Variants in MARCHF1 observed in about 807,000 individuals in gnomAD.
MARCHF1 encodes the protein membrane associated ring-CH-type finger 1.
A neutral mutation model predicts 54.2 loss-of-function variants in MARCHF1; 40 were observed. The observed-to-expected ratio is 0.74, with a 90% CI of 0.57 to 0.96. MARCHF1 has a LOEUF of 0.96. MARCHF1 is among the 40% of genes least tolerant of loss of function. The pLI is 0.00. For missense variants in MARCHF1, 586 were observed against 656.5 expected (o/e 0.89, Z 1.17); for synonymous variants, 236 against 236.3 (o/e 1.00, Z 0.01).
chr4:164,199,632 TCACACACA>T (rs376565727), intron 1 of MARCHF1, among the ~76,000 whole-genome samples: 284 of 114,752 alleles, frequency 2.5e-3, no homozygotes, highest in African/African-American at 4.7e-3. Context: ...CAGGACTCTG[TCACACACA>T]CACACACACA....
chr4:164,197,770 C>T (rs1419303593), intron 1 of MARCHF1: 1 of 1,608,494 alleles, frequency 6.2e-7, no homozygotes, highest in Admixed American at 1.7e-5. Flanking sequence ...CAATAAACCT[C>T]GAACCCACGG....
At chr4:163,630,708 G>A (rs571467405) in intron 5 of MARCHF1, among the ~76,000 whole-genome samples, 1 of 152,222 alleles carries the variant, frequency 6.6e-6, no homozygotes, top group East Asian at 1.9e-4. Context: ...TATGTTCAAG[G>A]TGAGATATTA....
At chr4:164,025,832 T>C (rs1436887779) in intron 2 of MARCHF1, among the ~76,000 whole-genome samples, 5 of 151,810 alleles carry the variant, frequency 3.3e-5, no homozygotes, top group African/African-American at 1.2e-4. Flanking sequence ...GACTACTAGC[T>C]AGATTAACAA....
intron 1 of MARCHF1, among the ~76,000 whole-genome samples, chr4:164,291,760 G>T (rs1220082818): frequency 6.6e-6 from 1 of 151,958 alleles, no homozygotes; most frequent in Non-Finnish European, 1.5e-5. Flanking sequence ...ATATAGAAAA[G>T]GTATAGTAAA....
chr4:164,107,726 C>G (rs1414625572), intron 2 of MARCHF1, among the ~76,000 whole-genome samples: 3 of 151,852 alleles, frequency 2.0e-5, no homozygotes, highest in Non-Finnish European at 4.4e-5. Flanking sequence ...CTTAAAAATT[C>G]ACTTTTAGAT....
At chr4:164,069,697 G>T (rs1189407734) in intron 2 of MARCHF1, among the ~76,000 whole-genome samples, 1 of 152,112 alleles carries the variant, frequency 6.6e-6, no homozygotes, top group Admixed American at 6.5e-5. Flanking sequence ...CACCGCGAGG[G>T]TCCATGGCTT....
intron 1 of MARCHF1, among the ~76,000 whole-genome samples, chr4:164,336,480 A>T (rs998674978): frequency 2.0e-5 from 3 of 152,210 alleles, no homozygotes; most frequent in Admixed American, 2.0e-4. Context: ...TTTATAATAC[A>T]TTGCAAAAGT....
At chr4:163,756,183 T>G (rs1023586601) in intron 4 of MARCHF1, among the ~76,000 whole-genome samples, 2 of 152,182 alleles carry the variant, frequency 1.3e-5, no homozygotes, top group Non-Finnish European at 2.9e-5. Flanking sequence ...ACGTACAAGG[T>G]TGAACATTGA....
chr4:164,049,816 T>C (rs980612994), intron 2 of MARCHF1, among the ~76,000 whole-genome samples: 1 of 152,218 alleles, frequency 6.6e-6, no homozygotes, highest in Non-Finnish European at 1.5e-5. Context: ...TTTTCACTAT[T>C]TCCTTGCATT....
chr4:163,609,298 CCT>C (rs1352775425), intron 7 of MARCHF1, among the ~76,000 whole-genome samples: 1 of 152,028 alleles, frequency 6.6e-6, no homozygotes, highest in African/African-American at 2.4e-5. Flanking sequence ...AATCAACTTG[CCT>C]CTGTCTTCTG....
At chr4:164,344,178 A>G (rs1296184063) in intron 1 of MARCHF1, among the ~76,000 whole-genome samples, 2 of 152,186 alleles carry the variant, frequency 1.3e-5, no homozygotes, top group Non-Finnish European at 2.9e-5. Flanking sequence ...AGCACTAAGT[A>G]CATATGCACA....
intron 7 of MARCHF1, among the ~76,000 whole-genome samples, chr4:163,586,216 C>A (rs1279324339): frequency 1.3e-5 from 2 of 152,116 alleles, no homozygotes; most frequent in Non-Finnish European, 2.9e-5. Context: ...CATAGGTGCA[C>A]AACCCAAAGT....
At chr4:163,696,178 T>G (rs1744623859) in intron 5 of MARCHF1, among the ~76,000 whole-genome samples, 1 of 152,120 alleles carries the variant, frequency 6.6e-6, no homozygotes, top group Non-Finnish European at 1.5e-5. Flanking sequence ...AAGTAAATTT[T>G]GCAAGGACCA....
At chr4:163,801,140 C>T (rs765756837) in intron 4 of MARCHF1, among the ~76,000 whole-genome samples, 34 of 152,012 alleles carry the variant, frequency 2.2e-4, no homozygotes, top group Non-Finnish European at 1.2e-4. Flanking sequence ...TGACGGCACT[C>T]GGGAGTTGGA....
At chr4:164,129,014 G>C (rs1433983291) in intron 1 of MARCHF1, among the ~76,000 whole-genome samples, 1 of 152,120 alleles carries the variant, frequency 6.6e-6, no homozygotes, top group Non-Finnish European at 1.5e-5. Context: ...GTGCCTACCT[G>C]GTTCATCCCA....
intron 9 of MARCHF1, among the ~76,000 whole-genome samples, chr4:163,542,135 C>T (rs895307825): frequency 2.0e-5 from 3 of 152,184 alleles, no homozygotes; most frequent in Non-Finnish European, 2.9e-5. Context: ...CTTTAAGAAA[C>T]GGACCCTTGA....
intron 4 of MARCHF1, among the ~76,000 whole-genome samples, chr4:163,739,394 T>C (rs1336419484): frequency 6.6e-6 from 1 of 152,208 alleles, no homozygotes; most frequent in Non-Finnish European, 1.5e-5. Flanking sequence ...GAAGGCTGAT[T>C]ATTATATACT....
At chr4:164,126,323 C>G (rs1560916599) in intron 1 of MARCHF1, among the ~76,000 whole-genome samples, 2 of 152,136 alleles carry the variant, frequency 1.3e-5, no homozygotes. Flanking sequence ...GAGAGAGAGA[C>G]ATTTATGAAC....
At chr4:164,177,174 G>A (rs1335107531) in intron 1 of MARCHF1, among the ~76,000 whole-genome samples, 1 of 151,386 alleles carries the variant, frequency 6.6e-6, no homozygotes, top group Non-Finnish European at 1.5e-5. Flanking sequence ...CTTTTGTGCT[G>A]TACCTCTGGC....
Sources: gnomAD v4.1 joint callset for allele counts (sites outside exome capture counted in the v4.1 genomes callset) on GRCh38, gnomAD v4.1.1 for gene constraint, MANE v1.5 for transcripts, NCBI Gene and HGNC (gene_info 2026-07-23, HGNC 2026-07-21) for gene names.